The following DPP10 variants were observed in gnomAD, a reference collection of about 807,000 sequenced individuals.
DPP10 encodes inactive dipeptidyl peptidase 10.
In DPP10, 33 loss-of-function variants were observed where a neutral mutation model predicts 120.9. The observed-to-expected ratio is 0.27, with a 90% CI of 0.21 to 0.37. The LOEUF (loss-of-function observed/expected upper bound fraction) is 0.37, where lower values mean the gene tolerates loss of function less well. DPP10 is among the 10% of genes least tolerant of loss of function. The pLI, the probability that DPP10 is intolerant of heterozygous loss-of-function variation, is 1.00. For synonymous variants in DPP10, 337 were observed against 326.1 expected (o/e 1.03, Z -0.36); for missense variants, 816 against 942.8 (o/e 0.87, Z 1.76).
intron 2 of DPP10, among the ~76,000 whole-genome samples, chr2:115,327,050 C>T (rs2062407804): frequency 6.6e-6 from 1 of 152,004 alleles, no homozygotes; most frequent in African/African-American, 2.4e-5. Context: ...TCTTGAAGTG[C>T]CCTATCCAGG....
chr2:115,564,594 A>G (rs2080887526), intron 5 of DPP10, among the ~76,000 whole-genome samples: 1 of 152,168 alleles, frequency 6.6e-6, no homozygotes, highest in African/African-American at 2.4e-5. Context: ...AATATTCTTG[A>G]AACTTTTTGA....
At chr2:114,496,205 A>C (rs1464512516) in intron 1 of DPP10, among the ~76,000 whole-genome samples, 1 of 152,118 alleles carries the variant, frequency 6.6e-6, no homozygotes, top group African/African-American at 2.4e-5. Context: ...CTTAGGATGA[A>C]GAAACCTGGA....
intron 1 of DPP10, among the ~76,000 whole-genome samples, chr2:114,503,536 A>G (rs1054257937): frequency 6.6e-6 from 1 of 152,216 alleles, no homozygotes; most frequent in African/African-American, 2.4e-5. Context: ...TCAATAGAAT[A>G]TACATTGATT....
intron 19 of DPP10, among the ~76,000 whole-genome samples, chr2:115,804,889 T>G (rs1397140780): frequency 6.6e-6 from 1 of 152,208 alleles, no homozygotes; most frequent in Non-Finnish European, 1.5e-5. Flanking sequence ...GGGACCCACT[T>G]GAGGAGGCAG....
rs34612528 is a variant in DPP10 at position 115,183,011 on chromosome 2, G to GCA, written c.61-126210_61-126209dup. Reference sequence around the variant, plus strand: ...TTTTGGAAACATGAAATATTTACACGCACACACACACACACACACGTACGT... The same window carrying GCA: ...TTTTGGAAACATGAAATATTTACACGCACACACACACACACACACACGTACGT... On this transcript the variant is annotated intron_variant, in intron 1 of 25. Coordinates refer to ENST00000410059, the MANE Select transcript of DPP10 (RefSeq NM_020868.6). 1.4e-3 allele frequency among the ~76,000 whole-genome samples: 218 copies of GCA among 150,396 alleles called. 1 individual carries two copies. The highest frequency in any genetic ancestry group is 4.2e-3 in the African/African-American group (172 of 40,940).
intron 1 of DPP10, among the ~76,000 whole-genome samples, chr2:114,761,170 C>G (rs1680248362): frequency 6.6e-6 from 1 of 152,148 alleles, no homozygotes; most frequent in Non-Finnish European, 1.5e-5. Context: ...TTGTGCTTTT[C>G]TTTCTGCCAG....
At chr2:114,864,702 CAG>C (rs951539628) in intron 1 of DPP10, among the ~76,000 whole-genome samples, 1 of 152,162 alleles carries the variant, frequency 6.6e-6, no homozygotes, top group Admixed American at 6.5e-5. Flanking sequence ...AACCTACAAA[CAG>C]ATTCACTGGA....
At chr2:114,473,032 T>A (rs912415585) in intron 1 of DPP10, among the ~76,000 whole-genome samples, 6 of 152,196 alleles carry the variant, frequency 3.9e-5, no homozygotes. Context: ...TTCTTGGGAA[T>A]AGCACACAGC....
intron 1 of DPP10, among the ~76,000 whole-genome samples, chr2:114,768,838 T>C (rs1680983535): frequency 6.6e-6 from 1 of 152,208 alleles, no homozygotes; most frequent in African/African-American, 2.4e-5. Flanking sequence ...AAATATTGAA[T>C]GTTCCATATT....
chr2:115,503,902 C>A (rs1232601695), intron 4 of DPP10, among the ~76,000 whole-genome samples: 1 of 151,932 alleles, frequency 6.6e-6, no homozygotes, highest in African/African-American at 2.4e-5. Context: ...CTTAACGCAA[C>A]CAGAAATGTC....
intron 3 of DPP10, among the ~76,000 whole-genome samples, chr2:115,463,037 T>C (rs552961548): frequency 1.3e-5 from 2 of 152,286 alleles, no homozygotes; most frequent in South Asian, 4.1e-4. Flanking sequence ...GCCTATAATT[T>C]TTAATTAATT....
rs111612130 is a variant in DPP10 at position 114,804,987 on chromosome 2, G to A, written c.60+362149G>A. Among the ~76,000 whole-genome samples the A allele has an allele frequency of 1.4e-3, 206 of 152,236 alleles. 1 individual carries two copies. Among genetic ancestry groups the A allele is most frequent in the African/African-American group, 4.8e-3 (198 of 41,526 alleles). Reference sequence around the variant, plus strand: ...CCAGAATTCCCACATGTTGTGGGAGGGACCCAGGGGCAGGTAATTGAATCA... The same window carrying A: ...CCAGAATTCCCACATGTTGTGGGAGAGACCCAGGGGCAGGTAATTGAATCA... On this transcript the variant is annotated intron_variant, in intron 1 of 25. Coordinates refer to ENST00000410059, the MANE Select transcript of DPP10 (RefSeq NM_020868.6).
chr2:115,231,659 CA>C (rs2105490342), intron 1 of DPP10, among the ~76,000 whole-genome samples: 1 of 152,198 alleles, frequency 6.6e-6, no homozygotes, highest in South Asian at 2.1e-4. Context: ...TGAATCTCAC[CA>C]AAAATAATTT....
chr2:115,075,317 T>G (rs1707696454), intron 1 of DPP10, among the ~76,000 whole-genome samples: 1 of 152,196 alleles, frequency 6.6e-6, no homozygotes, highest in African/African-American at 2.4e-5. Context: ...TCAGCAATCC[T>G]AGAAGAGAAG....
chr2:115,697,048 C>T (rs925722379), intron 7 of DPP10, among the ~76,000 whole-genome samples: 12 of 151,632 alleles, frequency 7.9e-5, no homozygotes, highest in African/African-American at 2.2e-4. Context: ...TGCATGGAAC[C>T]GCCATGGTAA....
intron 3 of DPP10, among the ~76,000 whole-genome samples, chr2:115,450,776 A>T (rs1343115159): frequency 6.6e-6 from 1 of 151,918 alleles, no homozygotes; most frequent in African/African-American, 2.4e-5. Context: ...AACTATGTTG[A>T]GCTCTGAAGA....
chr2:114,942,237 C>T (rs542427142), intron 1 of DPP10, among the ~76,000 whole-genome samples: 17 of 146,784 alleles, frequency 1.2e-4, no homozygotes, highest in Non-Finnish European at 2.5e-4. Context: ...GGTGCCACTG[C>T]ACTCCAGCCT....
chr2:115,154,892 CTT>C (rs34462965), intron 1 of DPP10, among the ~76,000 whole-genome samples: 28 of 136,452 alleles, frequency 2.1e-4, no homozygotes, highest in Non-Finnish European at 1.9e-4. Context: ...TTTGCCATTA[CTT>C]TTTTTTTTTT....
intron 3 of DPP10, among the ~76,000 whole-genome samples, chr2:115,412,131 AC>A (rs144570328): frequency 0.067 from 10,132 of 152,210 alleles, 440 homozygotes; most frequent in Middle Eastern, 0.13. Context: ...ACTTACTCTA[AC>A]TTCCAGATTT....
Sources: gnomAD v4.1 joint callset for allele counts (sites outside exome capture counted in the v4.1 genomes callset) on GRCh38, gnomAD v4.1.1 for gene constraint, MANE v1.5 for transcripts, NCBI Gene and HGNC (gene_info 2026-07-23, HGNC 2026-07-21) for gene names.